PTPRN2: variants seen among roughly 807,000 people sequenced by gnomAD.
PTPRN2 encodes the protein receptor-type tyrosine-protein phosphatase N2.
PTPRN2 carries 74 observed loss-of-function variants against 118.8 expected under a neutral mutation model. That is an observed-to-expected ratio of 0.62 (90% CI 0.52 to 0.76). The LOEUF (loss-of-function observed/expected upper bound fraction) is 0.76, where lower values mean the gene tolerates loss of function less well. Ranked by LOEUF, PTPRN2 falls within the 30% of genes least tolerant of loss-of-function variation. PTPRN2 has a pLI of 0.00. For missense variants in PTPRN2, 1,481 were observed against 1,394.4 expected (o/e 1.06, Z -0.99); for synonymous variants, 641 against 608.0 (o/e 1.05, Z -0.80).
intron 3 of PTPRN2, among the ~76,000 whole-genome samples, chr7:158,228,922 CCCAGCCCCACAAACTCTACT>C (rs1585909041): frequency 2.0e-5 from 3 of 152,028 alleles, no homozygotes; most frequent in East Asian, 3.9e-4. Flanking sequence ...GACTATAGTC[CCCAGCCCCACAAACTCTACT>C]CTGCAACTCG....
At chr7:157,810,786 G>A (rs1805977116) in intron 12 of PTPRN2, among the ~76,000 whole-genome samples, 1 of 148,546 alleles carries the variant, frequency 6.7e-6, no homozygotes, top group African/African-American at 2.5e-5. Flanking sequence ...TCTCCACAAG[G>A]ACGGCAGGAC....
intron 2 of PTPRN2, among the ~76,000 whole-genome samples, chr7:158,446,538 C>G (rs1049911473): frequency 6.6e-6 from 1 of 151,676 alleles, no homozygotes. Context: ...AGACCCCACC[C>G]GGACTCTGCC....
At position 158,125,703 on chromosome 7, in the gene PTPRN2, G is replaced by C. The variant is rs1468268171; in HGVS notation, c.1556+7974C>G. The stretch of plus-strand genomic sequence containing the variant: ...TCCGCCCTCAGGAGGGGCCTCTACA[G>C]AGGTGAGGACTGCGCTTTCTGAACA... On this transcript the variant is annotated intron_variant, in intron 9 of 22. Transcript: ENST00000389418. Among the ~76,000 whole-genome samples, 3 of 152,200 alleles carry C rather than the reference G, an allele frequency of 2.0e-5. No homozygotes were observed. In the East Asian group the frequency reaches 5.8e-4, roughly 29 times the overall value.
chr7:158,523,104 A>G (rs1321286854), intron 1 of PTPRN2, among the ~76,000 whole-genome samples: 1 of 152,178 alleles, frequency 6.6e-6, no homozygotes, highest in Non-Finnish European at 1.5e-5. Flanking sequence ...AGAACAAGAT[A>G]AGAGCGCAGG....
chr7:157,901,476 G>A (rs946331636), intron 11 of PTPRN2, among the ~76,000 whole-genome samples: 4 of 152,226 alleles, frequency 2.6e-5, no homozygotes, highest in African/African-American at 7.2e-5. Context: ...CAAGGGTGCC[G>A]ATGACAGTAA....
chr7:157,603,729 T>C lies in PTPRN2; in HGVS notation c.2418+273A>G, dbSNP rs1801826859. Among the ~76,000 whole-genome samples, 1 of 152,006 alleles carries C rather than the reference T, an allele frequency of 6.6e-6. No individual in the cohort carries two copies. The highest frequency in any genetic ancestry group is 1.5e-5 in the Non-Finnish European group (1 of 67,986). On this transcript the variant is annotated intron_variant, in intron 16 of 22. Coordinates refer to ENST00000389418, the MANE Select transcript of PTPRN2 (RefSeq NM_002847.5). The surrounding 1 kb of genome is among the most constrained non-coding windows in gnomAD (Gnocchi z 5.4). Reference sequence around the variant, plus strand: ...CTCTCCTAAAAGCCATGTCTTCTAGTCAGGAAACTGTCCAGTCACCATTGC... The same window carrying C: ...CTCTCCTAAAAGCCATGTCTTCTAGCCAGGAAACTGTCCAGTCACCATTGC...
rs560320752 is a variant in PTPRN2 at position 158,318,061 on chromosome 7, C to T, written c.164-1129G>A. 7.2e-5 allele frequency among the ~76,000 whole-genome samples: 11 copies of T among 152,212 alleles called. No homozygotes were observed. The South Asian group carries it at 8.3e-4, about 11-fold the overall frequency. On this transcript the variant is annotated intron_variant, in intron 2 of 22. Transcript: ENST00000389418. The stretch of plus-strand genomic sequence containing the variant: ...CGTTTCCCTCCGTGCAGCCCGGCCG[C>T]GCCGCCTCCTGTCCGAGAGCCGGCC...
At position 157,947,151 on chromosome 7, in the gene PTPRN2, G is replaced by A. The variant is rs565496808; in HGVS notation, c.1724-48414C>T. Among the ~76,000 whole-genome samples the A allele has an allele frequency of 1.5e-3, 231 of 152,312 alleles. 1 individual carries two copies. Among genetic ancestry groups the A allele is most frequent in the Non-Finnish European group, 2.5e-3 (167 of 68,028 alleles). ...GGCAACTGGGATGTGGGCAGGATGCGAAAAGGTCTGTCAAAGGGGTACTTC... is the reference window on the plus strand; with the variant it reads ...GGCAACTGGGATGTGGGCAGGATGCAAAAAGGTCTGTCAAAGGGGTACTTC... On this transcript the variant is annotated intron_variant, in intron 11 of 22. Transcript: ENST00000389418.
At chr7:158,303,683 A>G (rs138594303) in intron 3 of PTPRN2, among the ~76,000 whole-genome samples, 83 of 152,374 alleles carry the variant, frequency 5.4e-4, no homozygotes, top group African/African-American at 1.9e-3. Context: ...GAAAATAAAT[A>G]TGAAGACACT....
intron 3 of PTPRN2, among the ~76,000 whole-genome samples, chr7:158,215,533 C>T (rs1827895714): frequency 6.6e-6 from 1 of 152,132 alleles, no homozygotes; most frequent in Non-Finnish European, 1.5e-5. Context: ...AAGCATACCC[C>T]AAACAGGGTA....
chr7:158,461,605 G>A lies in PTPRN2; in HGVS notation c.163+28130C>T, dbSNP rs138433470. ...CCAGTGTTTTCCAAAGCATAATTAC[G>A]TACTTTTTCCAAAGCACTCAAATTC... On this transcript the variant is annotated intron_variant, in intron 2 of 22. Coordinates refer to ENST00000389418, the MANE Select transcript of PTPRN2 (RefSeq NM_002847.5). Among the ~76,000 whole-genome samples, 526 of 151,982 alleles carry A rather than the reference G, an allele frequency of 3.5e-3. 2 individuals carry two copies. The highest frequency in any genetic ancestry group is 0.012 in the African/African-American group (499 of 41,450).
intron 2 of PTPRN2, among the ~76,000 whole-genome samples, chr7:158,410,801 G>C (rs1375243830): frequency 1.1e-5 from 1 of 89,952 alleles, no homozygotes; most frequent in African/African-American, 4.3e-5. Flanking sequence ...AGAAGACACG[G>C]AGACACAGGG....
At chr7:157,823,807 A>T (rs1314554307) in intron 12 of PTPRN2, among the ~76,000 whole-genome samples, 1 of 152,194 alleles carries the variant, frequency 6.6e-6, no homozygotes, top group Non-Finnish European at 1.5e-5. Flanking sequence ...TGATCACATC[A>T]AGCTTTTCCC....
At chr7:157,877,963 C>G (rs1192444755) in intron 12 of PTPRN2, among the ~76,000 whole-genome samples, 1 of 152,216 alleles carries the variant, frequency 6.6e-6, no homozygotes, top group African/African-American at 2.4e-5. Flanking sequence ...ACATAATTAA[C>G]AGCGCCCCAA....
chr7:157,818,112 G>A (rs1048299089), intron 12 of PTPRN2, among the ~76,000 whole-genome samples: 1 of 151,536 alleles, frequency 6.6e-6, no homozygotes, highest in African/African-American at 2.4e-5. Context: ...TGTGTACAGT[G>A]TGGGTGTGTG....
intron 13 of PTPRN2, among the ~76,000 whole-genome samples, chr7:157,682,342 A>G (rs1331635199): frequency 1.3e-5 from 2 of 152,228 alleles, no homozygotes; most frequent in African/African-American, 4.8e-5. Flanking sequence ...GAGGAAGCCG[A>G]TGATTTTTGA....
At chr7:157,570,148 C>T (rs1410813429) in intron 20 of PTPRN2, among the ~76,000 whole-genome samples, 1 of 152,254 alleles carries the variant, frequency 6.6e-6, no homozygotes, top group Non-Finnish European at 1.5e-5. Flanking sequence ...GGAGGAGAGG[C>T]GGTCGGCCTG....
chr7:157,777,669 T>C (rs1251653260), intron 12 of PTPRN2, among the ~76,000 whole-genome samples: 11 of 152,230 alleles, frequency 7.2e-5, no homozygotes, highest in African/African-American at 2.7e-4. Context: ...GAAGGTGTGC[T>C]TAGGCACAGC....
chr7:158,224,846 A>G (rs1828633124), intron 3 of PTPRN2, among the ~76,000 whole-genome samples: 1 of 152,222 alleles, frequency 6.6e-6, no homozygotes, highest in Non-Finnish European at 1.5e-5. Context: ...GACTAGTATC[A>G]GGAATATACA....
Sources: gnomAD v4.1 joint callset for allele counts (sites outside exome capture counted in the v4.1 genomes callset) on GRCh38, gnomAD v4.1.1 for gene constraint, Gnocchi (gnomAD v3.1) non-coding constraint, MANE v1.5 for transcripts, NCBI Gene and HGNC (gene_info 2026-07-23, HGNC 2026-07-21) for gene names.